The following NAA60 variants were observed in gnomAD, a reference collection of about 807,000 sequenced individuals.
NAA60 encodes N-alpha-acetyltransferase 60, NatF catalytic subunit.
A neutral mutation model predicts 26.1 loss-of-function variants in NAA60; 8 were observed. The ratio of observed to expected loss-of-function variants is 0.31; its 90% confidence interval spans 0.18 to 0.55. The LOEUF is 0.55. Ranked by LOEUF, NAA60 falls within the 20% of genes least tolerant of loss-of-function variation. The pLI is 0.93. For synonymous variants in NAA60, 131 were observed against 122.5 expected, an observed-to-expected ratio of 1.07 and a Z score of -0.46; for missense variants, 290 against 311.3, an observed-to-expected ratio of 0.93 and a Z score of 0.51.
chr16:3,476,641 A>G (rs915121675), intron 3 of NAA60, among the ~76,000 whole-genome samples: 5 of 152,230 alleles, frequency 3.3e-5, no homozygotes, highest in African/African-American at 9.6e-5. Flanking sequence ...GTATCTTCAC[A>G]GCAAGGAGTT....
intron 2 of NAA60, among the ~76,000 whole-genome samples, chr16:3,455,927 G>A (rs919119984): frequency 6.6e-6 from 1 of 151,454 alleles, no homozygotes; most frequent in Admixed American, 6.6e-5. Flanking sequence ...GGATGGTCTC[G>A]ATATCTTGAC....
chr16:3,450,229 T>A (rs929533394), intron 2 of NAA60: 9 of 336,074 alleles, frequency 2.7e-5, no homozygotes, highest in African/African-American at 1.9e-4. Context: ...CTGGGAGTGC[T>A]CCTGGGGTGG....
intron 4 of NAA60, among the ~76,000 whole-genome samples, chr16:3,482,126 G>C (rs551173548): frequency 1.0e-3 from 158 of 152,298 alleles, no homozygotes; most frequent in Middle Eastern, 6.8e-3. Flanking sequence ...CCTGCATCCA[G>C]GCCTACCAGG....
chr16:3,476,921 A>T (rs1022904841), intron 3 of NAA60, among the ~76,000 whole-genome samples: 2 of 152,116 alleles, frequency 1.3e-5, no homozygotes, highest in Non-Finnish European at 2.9e-5. Context: ...CGTGCCTGTA[A>T]TCCTAGCTAC....
chr16:3,444,622 G>A (rs913245383), intron 1 of NAA60, among the ~76,000 whole-genome samples: 1 of 152,136 alleles, frequency 6.6e-6, no homozygotes. Flanking sequence ...TGATTTTGTG[G>A]AATATCTGAT....
rs985496045 is a variant in NAA60 at position 3,474,349 on chromosome 16, G to T, written c.-6-1873G>T. Among the ~76,000 whole-genome samples the T allele has an allele frequency of 3.9e-5, 6 of 152,188 alleles. No homozygotes were observed. The East Asian group carries it at 1.2e-3, about 29-fold the overall frequency. On this transcript the variant is annotated intron_variant, in intron 2 of 7. Transcript: ENST00000407558. Reference sequence around the variant, plus strand: ...TGGTGTAGAGGGGCACCGCCTCCCTGCCAGCACTGTCCTGACACTTGGACC... The same window carrying T: ...TGGTGTAGAGGGGCACCGCCTCCCTTCCAGCACTGTCCTGACACTTGGACC...
chr16:3,456,203 A>C (rs2034985803), intron 2 of NAA60, among the ~76,000 whole-genome samples: 1 of 152,190 alleles, frequency 6.6e-6, no homozygotes. Flanking sequence ...TGTTACTCAC[A>C]TGGGGGTCTT....
At chr16:3,446,619 GTT>G (rs34330542) in intron 1 of NAA60, among the ~76,000 whole-genome samples, 1 of 138,718 alleles carries the variant, frequency 7.2e-6, no homozygotes, top group Non-Finnish European at 1.5e-5. Context: ...TTTATTATTT[GTT>G]TTTTTTTTTT....
rs1052740079 is a variant in NAA60, at chr16:3,443,697, G to T, written c.-217G>T. The T allele has an allele frequency of 1.4e-6, 2 of 1,413,822 alleles. No individual in the cohort carries two copies. The highest frequency in any genetic ancestry group is 1.8e-6 in the Non-Finnish European group (2 of 1,084,956). 87.6% of individuals were successfully genotyped at this position (1,413,822 alleles called of 1,614,324 possible). On this transcript the variant is annotated 5_prime_UTR_variant, in exon 1 of 8. Transcript: ENST00000407558. ...AACCATTTCCGCTTCCGCTGGCGGG[G>T]TCTCCTCCGTGAGCTCCGGGCCTGT... is the stretch of plus-strand genomic sequence containing the variant.
intron 2 of NAA60, among the ~76,000 whole-genome samples, chr16:3,466,888 T>C (rs11077339): frequency 0.06 from 8,997 of 151,072 alleles, 372 homozygotes; most frequent in East Asian, 0.2. Context: ...GAAAGTGGGG[T>C]GAGTGGGTGA....
rs1287465066 is a variant in NAA60 at position 3,456,505 on chromosome 16, T to C, written c.-7+7965T>C. On this transcript the variant is annotated intron_variant, in intron 2 of 7. Transcript: ENST00000407558. ...CAAACCTCCTCAATTTTTGAAAGAATAATGCGCTTCACCAGTTGTTAACAA... is the reference window on the plus strand; with the variant it reads ...CAAACCTCCTCAATTTTTGAAAGAACAATGCGCTTCACCAGTTGTTAACAA... 2.6e-5 allele frequency among the ~76,000 whole-genome samples: 4 copies of C among 152,302 alleles called. No individual in the cohort carries two copies. The East Asian group carries it at 7.7e-4, about 29-fold the overall frequency.
intron 1 of NAA60, among the ~76,000 whole-genome samples, chr16:3,444,592 A>T (rs985549470): frequency 6.6e-6 from 1 of 152,170 alleles, no homozygotes; most frequent in African/African-American, 2.4e-5. Context: ...ATATTAGGAG[A>T]TTTGACAACT....
chr16:3,476,976 G>T (rs2036524079), intron 3 of NAA60, among the ~76,000 whole-genome samples: 1 of 152,096 alleles, frequency 6.6e-6, no homozygotes, highest in African/African-American at 2.4e-5. Context: ...AGGCGGTGGA[G>T]GTTGCGGTGA....
At chr16:3,461,231 C>T (rs1347932515) in intron 2 of NAA60, among the ~76,000 whole-genome samples, 2 of 148,744 alleles carry the variant, frequency 1.3e-5, no homozygotes, top group Non-Finnish European at 3.0e-5. Flanking sequence ...AAGGCATTTG[C>T]GTAGTGCTTG....
intron 2 of NAA60, among the ~76,000 whole-genome samples, chr16:3,453,892 C>G (rs938304336): frequency 2.0e-5 from 3 of 152,270 alleles, no homozygotes; most frequent in African/African-American, 7.2e-5. Flanking sequence ...CATCTACTAC[C>G]TTTCCCAAAT....
At chr16:3,445,440 A>ATT (rs369173294) in intron 1 of NAA60, among the ~76,000 whole-genome samples, 1 of 144,856 alleles carries the variant, frequency 6.9e-6, no homozygotes, top group Non-Finnish European at 1.5e-5. Context: ...CGTCCGGCTA[A>ATT]TTTTTTTTTT....
intron 2 of NAA60, among the ~76,000 whole-genome samples, chr16:3,475,471 C>T (rs2036421548): frequency 6.6e-6 from 1 of 152,082 alleles, no homozygotes; most frequent in African/African-American, 2.4e-5. Context: ...CAGCACTTGG[C>T]CGGCCAGCCT....
In NAA60 at chr16:3,479,544, G is replaced by A; in HGVS notation, c.184G>A (p.Ala62Thr). ...TTCCCTTGCTGCAACCTACAGAGGT[G>A]CCATTGTGGGAATGATAGTAGCTGA... is the stretch of plus-strand genomic sequence containing the variant. ...FFSLAATYRG[A>T]IVGMIVAEIK... The change falls in exon 4 of 8, where the codon GCC (alanine) becomes ACC (threonine). Residue 62 changes from alanine to threonine, a missense_variant. Transcript: ENST00000407558. The A allele has an allele frequency of 6.2e-7, 1 of 1,614,058 alleles. No individual in the cohort carries two copies. Among genetic ancestry groups the A allele is most frequent in the Non-Finnish European group, 8.5e-7 (1 of 1,179,886 alleles).
chr16:3,484,965 CTG>C lies in NAA60; in HGVS notation c.*111_*112del. On this transcript the variant is annotated 3_prime_UTR_variant, in exon 7 of 8. Transcript: ENST00000407558. ...CTGCAAGGAGCTGCCAGCCATCTAA[CTG>C]GGCTCGTCGGCCTGCCCCAGCTGCA... 6.5e-7 allele frequency: 1 copy of C among 1,531,196 alleles called. No homozygotes were observed. Among genetic ancestry groups the C allele is most frequent in the Non-Finnish European group, 8.8e-7 (1 of 1,140,968 alleles). 94.9% of individuals were successfully genotyped at this position (1,531,196 alleles called of 1,614,324 possible).
Sources: allele counts gnomAD v4.1 joint callset (sites outside exome capture counted in the v4.1 genomes callset), GRCh38; gene constraint gnomAD v4.1.1; transcripts MANE v1.5; gene names NCBI Gene and HGNC (gene_info 2026-07-23, HGNC 2026-07-21).